ZNF547: variants seen among roughly 807,000 people sequenced by gnomAD.
ZNF547 encodes the protein zinc finger protein 547.
ZNF547 carries 4 observed loss-of-function variants against 7.7 expected under a neutral mutation model. The observed-to-expected ratio is 0.52, with a 90% CI of 0.26 to 1.20. The LOEUF (loss-of-function observed/expected upper bound fraction) is 1.20, where lower values mean the gene tolerates loss of function less well. ZNF547 is among the 50% of genes most tolerant of loss of function. The pLI, the probability that ZNF547 is intolerant of heterozygous loss-of-function variation, is 0.14. For synonymous variants in ZNF547, 166 were observed against 166.2 expected, an observed-to-expected ratio of 1.00 and a Z score of 0.01; for missense variants, 449 against 485.8, an observed-to-expected ratio of 0.92 and a Z score of 0.71.
Position 57,370,457 on chromosome 19 carries a change from T to C in ZNF547, c.25-1325T>C, listed in dbSNP as rs367765086. ...TATTTGCCGTGCACCACCTGGTTTC[T>C]GTGTGCAGAGTGGCCTGTTAGGAGG... On this transcript the variant is annotated intron_variant, in intron 2 of 3. Coordinates refer to ENST00000282282, the MANE Select transcript of ZNF547 (RefSeq NM_173631.4). Among the ~76,000 whole-genome samples the C allele has an allele frequency of 3.1e-3, 475 of 152,336 alleles. 3 individuals carry two copies. The highest frequency in any genetic ancestry group is 0.01 in the African/African-American group (428 of 41,568).
Position 57,368,571 on chromosome 19 carries a change from C to T in ZNF547, c.16C>T (p.Pro6Ser), listed in dbSNP as rs1479487132. MAEMN[P>S]AQGHVVFEDV... ...TCCCCTGGCGATGGCAGAAATGAAC[C>T]CTGCACAGGTGAGTGGAGTGTTTTC... Residue 6 changes from proline (P) to serine (S), a missense_variant, in exon 2 of 4, where the codon CCT becomes TCT. Pro to Ser is a moderately conservative substitution (Grantham distance 74). Coordinates refer to ENST00000282282, the MANE Select transcript of ZNF547 (RefSeq NM_173631.4). 4.3e-6 allele frequency: 7 copies of T among 1,613,964 alleles called. No homozygotes were observed. The African/African-American group carries it at 5.3e-5, about 12-fold the overall frequency.
chr19:57,371,398 C>G (rs1446224858), intron 2 of ZNF547, among the ~76,000 whole-genome samples: 3 of 152,216 alleles, frequency 2.0e-5, no homozygotes, highest in Non-Finnish European at 4.4e-5. Context: ...CAGATTTGAT[C>G]AGGAGGAAAA....
intron 1 of ZNF547, chr19:57,364,774 G>A: frequency 7.7e-6 from 11 of 1,423,452 alleles, no homozygotes; most frequent in Non-Finnish European, 1.1e-5. Flanking sequence ...CTCTTCCGCG[G>A]AAACTGACAT....
chr19:57,366,324 A>C (rs2088469503), intron 1 of ZNF547, among the ~76,000 whole-genome samples: 1 of 150,704 alleles, frequency 6.6e-6, no homozygotes, highest in Non-Finnish European at 1.5e-5. Flanking sequence ...GGGTTCAAGC[A>C]GTTCTCCTTC....
At chr19:57,375,844 CAG>C (rs1464687947) in intron 3 of ZNF547, among the ~76,000 whole-genome samples, 1 of 151,858 alleles carries the variant, frequency 6.6e-6, no homozygotes, top group African/African-American at 2.4e-5. Flanking sequence ...TGAGTGCAAG[CAG>C]GGGAAATGCA....
At chr19:57,367,217 T>G (rs117699791) in intron 1 of ZNF547, among the ~76,000 whole-genome samples, 2,038 of 152,312 alleles carry the variant, frequency 0.013, 25 homozygotes, top group Middle Eastern at 0.031. Context: ...ATTGTCTGTT[T>G]GTTCCTATGA....
rs905354203 is a variant in ZNF547 at position 57,368,336 on chromosome 19, G to A, written c.-12-208G>A. On this transcript the variant is annotated intron_variant, in intron 1 of 3. Transcript: ENST00000282282. Reference sequence around the variant, plus strand: ...GAGCCATTCTTACAACCTATTTACAGATGAGAGCACTGAAGCTCCAGCAGG... The same window carrying A: ...GAGCCATTCTTACAACCTATTTACAAATGAGAGCACTGAAGCTCCAGCAGG... 2.5e-5 allele frequency: 14 copies of A among 570,418 alleles called. No individual in the cohort carries two copies. In the African/African-American group the frequency reaches 2.5e-4, roughly 10 times the overall value. The allele number at this position is 570,418 out of a possible 1,614,324, so 35.3% of individuals were successfully genotyped here.
intron 2 of ZNF547, among the ~76,000 whole-genome samples, chr19:57,370,206 T>C (rs1196035637): frequency 6.6e-6 from 1 of 152,142 alleles, no homozygotes; most frequent in East Asian, 1.9e-4. Context: ...TTCTTCAGGC[T>C]TAACAGGAAG....
At chr19:57,366,114 C>G (rs527246264) in intron 1 of ZNF547, among the ~76,000 whole-genome samples, 3 of 152,080 alleles carry the variant, frequency 2.0e-5, no homozygotes, top group African/African-American at 7.2e-5. Context: ...CCGCTCGCCT[C>G]GGCCTCCCAA....
rs367804609 is a variant in ZNF547, at chr19:57,371,834, G to A, written c.77G>A (p.Gly26Glu). 2.5e-6 allele frequency: 4 copies of A among 1,613,450 alleles called. No individual in the cohort carries two copies. The highest frequency in any genetic ancestry group is 2.2e-5 in the South Asian group (2 of 91,042). Reference sequence around the variant, plus strand: ...ATATATTTCTCCCAGGAGGAGTGGGGGCATCTCGATGAGGCTCAGAGATTG... The same window carrying A: ...ATATATTTCTCCCAGGAGGAGTGGGAGCATCTCGATGAGGCTCAGAGATTG... Reference protein sequence around the residue: ...VAIYFSQEEWGHLDEAQRLLY... With the variant: ...VAIYFSQEEWEHLDEAQRLLY... The change falls in exon 3 of 4, where the codon GGG becomes GAG. Residue 26 changes from glycine (G) to glutamate (E), a missense_variant. Gly to Glu is a moderately conservative substitution (Grantham distance 98). Coordinates refer to ENST00000282282, the MANE Select transcript of ZNF547 (RefSeq NM_173631.4).
At position 57,377,049 on chromosome 19, in the gene ZNF547, G is replaced by A. The variant is rs1042169337; in HGVS notation, c.152-79G>A. 1.4e-4 allele frequency: 198 copies of A among 1,401,154 alleles called. 1 individual carries two copies. The highest frequency in any genetic ancestry group is 4.3e-5 in the Non-Finnish European group (44 of 1,023,206). 86.8% of individuals were successfully genotyped at this position (1,401,154 alleles called of 1,614,324 possible). A position where few individuals can be genotyped will look rare whatever the true frequency, so the allele number is the denominator to read the frequency against. On this transcript the variant is annotated intron_variant, in intron 3 of 3. Coordinates refer to ENST00000282282, the MANE Select transcript of ZNF547 (RefSeq NM_173631.4). The stretch of plus-strand genomic sequence containing the variant: ...AATTCCATGATCATTTTCATGGGGT[G>A]TCTGACTGACATTTGTGATGGGGTT...
intron 3 of ZNF547, among the ~76,000 whole-genome samples, chr19:57,373,006 C>A (rs2088515712): frequency 6.6e-6 from 1 of 152,218 alleles, no homozygotes; most frequent in Admixed American, 6.5e-5. Flanking sequence ...TTTGCCAGGT[C>A]CAACTCTGCA....
intron 1 of ZNF547, chr19:57,364,974 C>T (rs774528422): frequency 1.2e-5 from 19 of 1,613,002 alleles, no homozygotes; most frequent in Middle Eastern, 1.7e-4. Context: ...CTGCTCTCGA[C>T]CTCGTAGATG....
At chr19:57,373,758 T>A (rs2088520299) in intron 3 of ZNF547, among the ~76,000 whole-genome samples, 2 of 152,272 alleles carry the variant, frequency 1.3e-5, no homozygotes, top group Non-Finnish European at 1.5e-5. Flanking sequence ...TGAAATGATA[T>A]CCTCTGACTC....
chr19:57,377,863 A>T lies in ZNF547; in HGVS notation c.887A>T (p.Tyr296Phe), dbSNP rs1236351178. 17 of 1,613,970 alleles carry T rather than the reference A, an allele frequency of 1.1e-5. No homozygotes were observed. Among genetic ancestry groups the T allele is most frequent in the Non-Finnish European group, 1.4e-5 (17 of 1,180,004 alleles). The change falls in exon 4 of 4, where the codon TAT becomes TTT. Residue 296 changes from tyrosine (Y) to phenylalanine (F), a missense_variant. Transcript: ENST00000282282. Reference sequence around the variant, plus strand: ...AGAATTCATACAGGAAAAAGGTCTTATGGTTGCAGTGAATGTGGGAAATTC... The same window carrying T: ...AGAATTCATACAGGAAAAAGGTCTTTTGGTTGCAGTGAATGTGGGAAATTC... ...HYRIHTGKRS[Y>F]GCSECGKFFM...
chr19:57,369,375 G>A (rs369041012), intron 2 of ZNF547, among the ~76,000 whole-genome samples: 1 of 152,190 alleles, frequency 6.6e-6, no homozygotes, highest in Non-Finnish European at 1.5e-5. Context: ...GGAGAAGTCA[G>A]CAGTATTAGG....
At position 57,378,376 on chromosome 19, in the gene ZNF547, T is replaced by G; in HGVS notation, c.*191T>G. ...TGTGTGTTCAGCAAACTCGGGACAT[T>G]ATTTTGGTTTGACTCTCATCTCATT... On this transcript the variant is annotated 3_prime_UTR_variant, in exon 4 of 4. Transcript: ENST00000282282. The G allele has an allele frequency of 1.4e-6, 1 of 719,804 alleles. No individual in the cohort carries two copies. Among genetic ancestry groups the G allele is most frequent in the Non-Finnish European group, 2.5e-6 (1 of 402,330 alleles). The allele number at this position is 719,804 out of a possible 1,614,324, so 44.6% of individuals were successfully genotyped here. A position where few individuals can be genotyped will look rare whatever the true frequency, so the allele number is the denominator to read the frequency against.
chr19:57,372,950 C>G (rs893332462), intron 3 of ZNF547, among the ~76,000 whole-genome samples: 2 of 152,234 alleles, frequency 1.3e-5, no homozygotes, highest in Non-Finnish European at 1.5e-5. Context: ...CACTGTACCC[C>G]TCTCTTGTGT....
chr19:57,371,524 T>C (rs1221669527), intron 2 of ZNF547: 4 of 403,866 alleles, frequency 9.9e-6, no homozygotes, highest in African/African-American at 4.1e-5. Flanking sequence ...ACCTGGGCTA[T>C]TGGGACTGTC....
Sources: allele counts gnomAD v4.1 joint callset (sites outside exome capture counted in the v4.1 genomes callset), GRCh38; gene constraint gnomAD v4.1.1; transcripts MANE v1.5; gene names NCBI Gene and HGNC (gene_info 2026-07-23, HGNC 2026-07-21).